CDH4: variants seen among roughly 807,000 people sequenced by gnomAD.
CDH4 encodes the protein cadherin-4.
In CDH4, 33 loss-of-function variants were observed where a neutral mutation model predicts 86.0. The ratio of observed to expected loss-of-function variants is 0.38; its 90% confidence interval spans 0.29 to 0.51. The LOEUF (loss-of-function observed/expected upper bound fraction) is 0.51. CDH4 is among the 20% of genes least tolerant of loss of function. The pLI is 0.86. For missense variants in CDH4, 1,114 were observed against 1,307.4 expected, an observed-to-expected ratio of 0.85 and a Z score of 2.28; for synonymous variants, 555 against 549.4, an observed-to-expected ratio of 1.01 and a Z score of -0.14.
rs146554320 is a variant in CDH4 at position 61,501,659 on chromosome 20, G to A, written c.170-241904G>A. 8.7e-4 allele frequency among the ~76,000 whole-genome samples: 133 copies of A among 152,222 alleles called. No homozygotes were observed. The highest frequency in any genetic ancestry group is 2.7e-3 in the African/African-American group (111 of 41,542). On this transcript the variant is annotated intron_variant, in intron 2 of 15. Transcript: ENST00000614565. The surrounding 1 kb of genome is among the most constrained non-coding windows in gnomAD (Gnocchi z 4.2). ...AGGCCACACAGAAGCAGCGTGTTCCGGAAAGCATGCCGTGCCCTGTGAACT... is the reference window on the plus strand; with the variant it reads ...AGGCCACACAGAAGCAGCGTGTTCCAGAAAGCATGCCGTGCCCTGTGAACT...
chr20:61,744,965 AG>A (rs2088395985), intron 3 of CDH4, among the ~76,000 whole-genome samples: 2 of 152,216 alleles, frequency 1.3e-5, no homozygotes, highest in Non-Finnish European at 2.9e-5. Flanking sequence ...GCACTAAGGA[AG>A]GCCAGCCTGC....
intron 2 of CDH4, among the ~76,000 whole-genome samples, chr20:61,727,714 C>T: frequency 6.6e-6 from 1 of 152,110 alleles, no homozygotes; most frequent in Non-Finnish European, 1.5e-5. Flanking sequence ...TTGGAGGTGC[C>T]AGGCTCATTT....
chr20:61,335,354 G>A (rs562983465), intron 2 of CDH4, among the ~76,000 whole-genome samples: 3 of 152,212 alleles, frequency 2.0e-5, no homozygotes, highest in Non-Finnish European at 4.4e-5. Context: ...AAGATTACAG[G>A]CAAAGGGATG....
intron 2 of CDH4, among the ~76,000 whole-genome samples, chr20:61,327,869 C>T (rs764497667): frequency 1.3e-5 from 2 of 152,178 alleles, no homozygotes; most frequent in African/African-American, 4.8e-5. Context: ...ATCCACAGAA[C>T]AGGACACCAG....
chr20:61,604,500 G>A (rs866210671), intron 2 of CDH4, among the ~76,000 whole-genome samples: 40 of 152,168 alleles, frequency 2.6e-4, no homozygotes, highest in African/African-American at 7.5e-4. Context: ...GAGGCCAGCC[G>A]AGATGAGATT....
chr20:61,546,818 C>T (rs1048923046), intron 2 of CDH4, among the ~76,000 whole-genome samples: 1 of 152,120 alleles, frequency 6.6e-6, no homozygotes, highest in African/African-American at 2.4e-5. Context: ...GGTTGGCTGG[C>T]TGGGCGCCGA....
At chr20:61,675,303 CGTAGGG>C (rs2087434295) in intron 2 of CDH4, among the ~76,000 whole-genome samples, 1 of 138,094 alleles carries the variant, frequency 7.2e-6, no homozygotes, top group Non-Finnish European at 1.6e-5. Flanking sequence ...AAACAACCAT[CGTAGGG>C]GCTGAGGCTT....
At chr20:61,822,974 G>A (rs994058333) in intron 4 of CDH4, among the ~76,000 whole-genome samples, 1 of 152,234 alleles carries the variant, frequency 6.6e-6, no homozygotes, top group Non-Finnish European at 1.5e-5. Context: ...GCAGAACTGG[G>A]GAATGCAGGT....
intron 2 of CDH4, among the ~76,000 whole-genome samples, chr20:61,615,261 A>C (rs1054564934): frequency 6.6e-6 from 1 of 151,876 alleles, no homozygotes; most frequent in African/African-American, 2.4e-5. Flanking sequence ...ATCTGGGATT[A>C]TAGGTGTGCA....
intron 2 of CDH4, among the ~76,000 whole-genome samples, chr20:61,584,297 C>T (rs2086453756): frequency 6.6e-6 from 1 of 152,200 alleles, no homozygotes; most frequent in South Asian, 2.1e-4. Flanking sequence ...GTCCTGGCTT[C>T]TGGGTACTGA....
At chr20:61,281,635 A>G (rs1325982523) in intron 2 of CDH4, among the ~76,000 whole-genome samples, 1 of 152,228 alleles carries the variant, frequency 6.6e-6, no homozygotes, top group Non-Finnish European at 1.5e-5. Context: ...GGGAGAAGTC[A>G]GGCAGTCACG....
In CDH4 at chr20:61,400,527, T is replaced by TA. The variant is rs547289625; in HGVS notation, c.169+145591dup. Among the ~76,000 whole-genome samples, 196 of 152,268 alleles carry TA rather than the reference T, an allele frequency of 1.3e-3. 1 individual carries two copies. Among genetic ancestry groups the TA allele is most frequent in the African/African-American group, 4.4e-3 (184 of 41,550 alleles). On this transcript the variant is annotated intron_variant, in intron 2 of 15. Coordinates refer to ENST00000614565, the MANE Select transcript of CDH4 (RefSeq NM_001794.5). ...AATCTCAGGACTACTGTCAAAGGTT[T>TA]ATTTCTTGCTCATTCTGTATGTTCC... is the stretch of plus-strand genomic sequence containing the variant.
At chr20:61,255,025 CA>C in intron 2 of CDH4, 88 bp downstream of exon 2, 2 of 799,504 alleles carry the variant, frequency 2.5e-6, no homozygotes, top group Non-Finnish European at 4.4e-6. Context: ...AGGCTTGCCT[CA>C]TCTTTGTGCT....
intron 3 of CDH4, among the ~76,000 whole-genome samples, chr20:61,745,315 C>T (rs1173651048): frequency 1.3e-5 from 2 of 152,182 alleles, no homozygotes; most frequent in African/African-American, 4.8e-5. Context: ...CCATGGAAAG[C>T]TTGCAAGACA....
At chr20:61,692,947 G>C (rs1241888043) in intron 2 of CDH4, among the ~76,000 whole-genome samples, 1 of 151,986 alleles carries the variant, frequency 6.6e-6, no homozygotes, top group Non-Finnish European at 1.5e-5. Flanking sequence ...TGTGTGAGGA[G>C]GTTTATGAAA....
At chr20:61,347,670 C>A (rs572112266) in intron 2 of CDH4, among the ~76,000 whole-genome samples, 3 of 152,160 alleles carry the variant, frequency 2.0e-5, no homozygotes, top group Non-Finnish European at 2.9e-5. Context: ...TCAGCTTAGT[C>A]GGGAGATGTA....
At position 61,295,864 on chromosome 20, in the gene CDH4, C is replaced by T. The variant is rs111932042; in HGVS notation, c.169+40927C>T. On this transcript the variant is annotated intron_variant, in intron 2 of 15. Transcript: ENST00000614565. ...GTGTGTCCTGGGGTCCCCGGCCGGC[C>T]GGAAGCAGCTGCCTCCCTCTCTGGA... Among the ~76,000 whole-genome samples the T allele has an allele frequency of 3.1e-3, 471 of 152,280 alleles. 1 individual carries two copies. The highest frequency in any genetic ancestry group is 5.6e-3 in the Non-Finnish European group (380 of 68,016).
rs2086340433 is a variant in CDH4 at position 61,571,368 on chromosome 20, T to TG, written c.170-172193dup. Among the ~76,000 whole-genome samples, 3 of 152,326 alleles carry TG rather than the reference T, an allele frequency of 2.0e-5. No individual in the cohort carries two copies. The East Asian group carries it at 5.8e-4, about 29-fold the overall frequency. ...GCCATGAGCCGAAGGTAGACAGTGC[T>TG]GGCCTTGACATCGGGTGAGCATCTC... On this transcript the variant is annotated intron_variant, in intron 2 of 15. Transcript: ENST00000614565.
chr20:61,714,021 T>TTTTTATTTTA lies in CDH4; in HGVS notation c.170-29508_170-29499dup, dbSNP rs373689820. ...CTGTCTTAGTCCATTGTCTATTCTT[T>TTTTTATTTTA]TTTTATTTTATTTTATTTTATTTTA... On this transcript the variant is annotated intron_variant, in intron 2 of 15. Coordinates refer to ENST00000614565, the MANE Select transcript of CDH4 (RefSeq NM_001794.5). Among the ~76,000 whole-genome samples the TTTTTATTTTA allele has an allele frequency of 2.0e-3, 272 of 135,976 alleles. 10 individuals carry two copies. Among genetic ancestry groups the TTTTTATTTTA allele is most frequent in the African/African-American group, 5.6e-3 (189 of 33,774 alleles). The allele number at this position is 135,976 out of a possible 152,430, so 89.2% of individuals were successfully genotyped here.
Sources: allele counts gnomAD v4.1 joint callset (sites outside exome capture counted in the v4.1 genomes callset), GRCh38; gene constraint gnomAD v4.1.1; non-coding constraint Gnocchi (gnomAD v3.1); transcripts MANE v1.5; gene names NCBI Gene and HGNC (gene_info 2026-07-23, HGNC 2026-07-21).